The following SEMA6A variants were observed in gnomAD, a reference collection of about 807,000 sequenced individuals.
The protein encoded by SEMA6A is semaphorin 6A.
Under a neutral mutation model 96.8 loss-of-function variants are expected in SEMA6A, and 25 were observed. The ratio of observed to expected loss-of-function variants is 0.26; its 90% CI spans 0.19 to 0.36. SEMA6A has a LOEUF of 0.36. Among genes scored for constraint, SEMA6A ranks in the 10% least tolerant of loss-of-function variants. SEMA6A has a pLI of 1.00. For missense variants in SEMA6A, 1,363 were observed against 1,323.1 expected (o/e 1.03, Z -0.47); for synonymous variants, 612 against 518.0 (o/e 1.18, Z -2.46).
chr5:116,524,791 C>CACACACACACACACAG (rs150818687), intron 1 of SEMA6A, among the ~76,000 whole-genome samples: 7,118 of 151,566 alleles, frequency 0.047, 312 homozygotes, highest in African/African-American at 0.12. Context: ...CACACACAGA[C>CACACACACACACACAG]ACACACACAC....
chr5:116,554,738 C>G (rs1448434692), intron 1 of SEMA6A: 1 of 151,886 alleles, frequency 6.6e-6, no homozygotes, highest in Admixed American at 6.6e-5. Context: ...ATATTCAGTA[C>G]CTTTTGGGAG....
intron 18 of SEMA6A, among the ~76,000 whole-genome samples, chr5:116,463,085 G>A (rs1452453181): frequency 6.6e-6 from 1 of 152,190 alleles, no homozygotes; most frequent in Non-Finnish European, 1.5e-5. Context: ...GCTAGATCCA[G>A]TTGGAAGACA....
intron 1 of SEMA6A, among the ~76,000 whole-genome samples, chr5:116,557,670 G>A (rs1357918132): frequency 2.1e-5 from 3 of 145,624 alleles, no homozygotes; most frequent in Non-Finnish European, 4.6e-5. Context: ...TTCAGTCATT[G>A]GTGTGTGTTT....
chr5:116,545,004 C>T (rs1760125521), intron 1 of SEMA6A, among the ~76,000 whole-genome samples: 1 of 152,072 alleles, frequency 6.6e-6, no homozygotes, highest in Admixed American at 6.6e-5. Flanking sequence ...GTCACCTGCT[C>T]CATCCTGACT....
At position 116,532,671 on chromosome 5, in the gene SEMA6A, C is replaced by A. The variant is rs1759535615; in HGVS notation, c.-38-27689G>T. 3.3e-5 allele frequency among the ~76,000 whole-genome samples: 5 copies of A among 152,244 alleles called. No homozygotes were observed. The South Asian group carries it at 1.0e-3, about 32-fold the overall frequency. ...ACTCCCTTTCCCATTTTCTAACCAT[C>A]TTGTAACACATGCTGACTCTTTTCC... On this transcript the variant is annotated intron_variant, in intron 1 of 18. Transcript: ENST00000343348.
chr5:116,570,011 A>G (rs949410387), intron 1 of SEMA6A, among the ~76,000 whole-genome samples: 1 of 152,168 alleles, frequency 6.6e-6, no homozygotes, highest in African/African-American at 2.4e-5. Flanking sequence ...TGTAAATGGA[A>G]TTATTGTAAT....
chr5:116,518,545 AAACT>A (rs1471122927), intron 1 of SEMA6A, among the ~76,000 whole-genome samples: 1 of 152,238 alleles, frequency 6.6e-6, no homozygotes, highest in African/African-American at 2.4e-5. Context: ...AGAAGAAACC[AAACT>A]AAAGTGCTGA....
chr5:116,511,381 C>G (rs1404876851), intron 1 of SEMA6A, among the ~76,000 whole-genome samples: 2 of 152,052 alleles, frequency 1.3e-5, no homozygotes, highest in African/African-American at 4.8e-5. Context: ...CTGTGGAACC[C>G]ACGGATAGAG....
intron 4 of SEMA6A, among the ~76,000 whole-genome samples, chr5:116,497,057 C>A (rs1373497099): frequency 6.6e-6 from 1 of 151,934 alleles, no homozygotes; most frequent in African/African-American, 2.4e-5. Context: ...ATAAATGAGG[C>A]AATATTTTTA....
At chr5:116,569,568 G>A (rs906544756) in intron 1 of SEMA6A, among the ~76,000 whole-genome samples, 1 of 152,188 alleles carries the variant, frequency 6.6e-6, no homozygotes, top group Non-Finnish European at 1.5e-5. Flanking sequence ...AATGGGCAGA[G>A]GCAGGAATGC....
intron 1 of SEMA6A, among the ~76,000 whole-genome samples, chr5:116,524,180 A>G (rs1580472832): frequency 1.3e-5 from 2 of 152,240 alleles, no homozygotes; most frequent in South Asian, 4.1e-4. Context: ...GAAATAAAGC[A>G]GACCTAATGA....
intron 6 of SEMA6A, among the ~76,000 whole-genome samples, chr5:116,493,978 T>G (rs895927688): frequency 1.3e-5 from 2 of 152,044 alleles, no homozygotes; most frequent in Admixed American, 1.3e-4. Context: ...ATCTCACAAC[T>G]CTTCCTTTAT....
intron 1 of SEMA6A, among the ~76,000 whole-genome samples, chr5:116,525,120 G>C (rs1049123029): frequency 6.6e-6 from 1 of 152,088 alleles, no homozygotes; most frequent in Non-Finnish European, 1.5e-5. Context: ...TTGAAGTCTG[G>C]GTTGTTTAAG....
intron 1 of SEMA6A, among the ~76,000 whole-genome samples, chr5:116,532,929 C>T (rs1015011159): frequency 2.0e-5 from 3 of 152,188 alleles, no homozygotes; most frequent in Non-Finnish European, 4.4e-5. Flanking sequence ...ACAGAGATGA[C>T]AGGTGTAAAC....
chr5:116,502,446 C>T (rs1757931180), intron 2 of SEMA6A, 119 bp from the exon 3 acceptor site: 2 of 726,930 alleles, frequency 2.8e-6, no homozygotes, highest in East Asian at 2.6e-5. Flanking sequence ...GACCATGCCA[C>T]CATTTTCCAT....
At chr5:116,505,468 C>CAT (rs1208849051) in intron 1 of SEMA6A, among the ~76,000 whole-genome samples, 1 of 151,864 alleles carries the variant, frequency 6.6e-6, no homozygotes, top group Non-Finnish European at 1.5e-5. Context: ...CGCACACACA[C>CAT]ACACACACAC....
chr5:116,456,289 G>C (rs1755007812), intron 18 of SEMA6A, among the ~76,000 whole-genome samples: 1 of 152,170 alleles, frequency 6.6e-6, no homozygotes, highest in Non-Finnish European at 1.5e-5. Context: ...TCTGGGTTAG[G>C]CCCAGAAACC....
intron 10 of SEMA6A, 148 bp from the exon 11 acceptor site, chr5:116,482,723 C>A: frequency 1.4e-6 from 1 of 699,766 alleles, no homozygotes. Context: ...TCTTAGTACA[C>A]AAAGAAAATA....
At chr5:116,560,585 G>A (rs1470449514) in intron 1 of SEMA6A, among the ~76,000 whole-genome samples, 1 of 151,960 alleles carries the variant, frequency 6.6e-6, no homozygotes. Flanking sequence ...TTATAGGTAA[G>A]AGTTGCAAGC....
Sources: gnomAD v4.1 joint callset for allele counts (sites outside exome capture counted in the v4.1 genomes callset) on GRCh38, gnomAD v4.1.1 for gene constraint, MANE v1.5 for transcripts, NCBI Gene and HGNC (gene_info 2026-07-23, HGNC 2026-07-21) for gene names.